ZNF446: variants seen among roughly 807,000 people sequenced by gnomAD.
The protein encoded by ZNF446 is zinc finger protein with KRAB and SCAN domains 20.
ZNF446 carries 42 observed loss-of-function variants against 34.0 expected under a neutral mutation model. That is an observed-to-expected ratio of 1.23 (90% CI 0.96 to 1.60). The LOEUF (loss-of-function observed/expected upper bound fraction) is 1.60. Among genes scored for constraint, ZNF446 ranks in the 40% most tolerant of loss-of-function variants. The pLI is 0.00. For synonymous variants in ZNF446, 315 were observed against 251.0 expected (o/e 1.25, Z -2.41); for missense variants, 650 against 600.2 (o/e 1.08, Z -0.87).
downstream of ZNF446, among the ~76,000 whole-genome samples, chr19:58,486,088 CTTTTTTTTTTTTTTTTT>C (rs71190045): frequency 1.4e-4 from 12 of 83,328 alleles, no homozygotes; most frequent in Non-Finnish European, 4.5e-5. Context: ...AGCTAACTTT[CTTTTTTTTTTTTTTTTT>C]TTTTTTGAGA....
the ZNF446 span, among the ~76,000 whole-genome samples, chr19:58,488,256 T>C: frequency 6.9e-6 from 1 of 144,950 alleles, no homozygotes. Flanking sequence ...TTCATGGCAC[T>C]GTGAGGACAG....
In ZNF446 at chr19:58,480,885, A is replaced by T. The variant is rs1230856472; in HGVS notation, c.*159A>T. The T allele has an allele frequency of 6.0e-6, 5 of 832,664 alleles. No homozygotes were observed. Among genetic ancestry groups the T allele is most frequent in the Non-Finnish European group, 9.1e-6 (5 of 550,486 alleles). The allele number at this position is 832,664 out of a possible 1,614,324, so 51.6% of individuals were successfully genotyped here. On this transcript the variant is annotated 3_prime_UTR_variant, in exon 7 of 7. Transcript: ENST00000594369. This position sits in a 1 kb window ranked among gnomAD's most constrained non-coding sequence, Gnocchi z 7.2. ...CCCCTGGTCTGGTCTCCCCCAAAAG[A>T]CCTGGGTGCAAGGAAAAGGAGCTGC...
At chr19:58,487,981 G>A in the ZNF446 span, among the ~76,000 whole-genome samples, 4 of 151,746 alleles carry the variant, frequency 2.6e-5, no homozygotes, top group Non-Finnish European at 2.9e-5. Flanking sequence ...AGCACTGTGA[G>A]GACAGGGCTT....
At position 58,479,714 on chromosome 19, in the gene ZNF446, A is replaced by G. The variant is rs759999414; in HGVS notation, c.699A>G (p.Thr233=). Residue 233 remains threonine (T), a synonymous_variant, in exon 5 of 7, where the codon ACA becomes ACG. Transcript: ENST00000594369. ...ATGCGATGCTGGAGAAGTACGGCAC[A>G]GTGGTCTCCCTGGGTGAGGACCAGC... ...YWDAMLEKYG[T]VVSLGLPPHQ... is the part of the protein sequence containing the mutation. 6 of 1,612,978 alleles carry G rather than the reference A, an allele frequency of 3.7e-6. No homozygotes were observed. The Admixed American group carries it at 5.0e-5, about 13-fold the overall frequency.
rs2053135129 is a variant in ZNF446 at position 58,480,884 on chromosome 19, G to T, written c.*158G>T. Reference sequence around the variant, plus strand: ...GCCCCTGGTCTGGTCTCCCCCAAAAGACCTGGGTGCAAGGAAAAGGAGCTG... The same window carrying T: ...GCCCCTGGTCTGGTCTCCCCCAAAATACCTGGGTGCAAGGAAAAGGAGCTG... On this transcript the variant is annotated 3_prime_UTR_variant, in exon 7 of 7. Transcript: ENST00000594369. This position sits in a 1 kb window ranked among gnomAD's most constrained non-coding sequence, Gnocchi z 7.2. 1.2e-6 allele frequency: 1 copy of T among 846,376 alleles called. No individual in the cohort carries two copies. The highest frequency in any genetic ancestry group is 1.8e-6 in the Non-Finnish European group (1 of 561,140). The allele number at this position is 846,376 out of a possible 1,614,324, so 52.4% of individuals were successfully genotyped here. A position where few individuals can be genotyped will look rare whatever the true frequency, so the allele number is the denominator to read the frequency against.
chr19:58,482,979 G>A (rs1002633764), downstream of ZNF446, among the ~76,000 whole-genome samples: 3 of 152,174 alleles, frequency 2.0e-5, no homozygotes, highest in African/African-American at 7.2e-5. Context: ...TGCTCACTTA[G>A]AAAAATTTGA....
At chr19:58,487,071 G>GC in the ZNF446 span, among the ~76,000 whole-genome samples, 2 of 152,188 alleles carry the variant, frequency 1.3e-5, no homozygotes, top group Admixed American at 1.3e-4. Flanking sequence ...GATTACAGGC[G>GC]TGAGCCACTG....
In ZNF446 at chr19:58,478,183, T is replaced by C. The variant is rs1600008900; in HGVS notation, c.627+2T>C. On this transcript the variant is annotated splice_donor_variant, in intron 4 of 6. Coordinates refer to ENST00000594369, the MANE Select transcript of ZNF446 (RefSeq NM_017908.4). LOFTEE classifies it high-confidence loss of function. ...TCCTTCCACCCACCCAGGATTCAGG[T>C]GAGCAGCCCCAAGTGGGAAGTATAG... The C allele has an allele frequency of 6.2e-7, 1 of 1,613,182 alleles. No individual in the cohort carries two copies. Among genetic ancestry groups the C allele is most frequent in the Non-Finnish European group, 8.5e-7 (1 of 1,179,522 alleles).
rs181407855 is a variant in ZNF446 at position 58,476,397 on chromosome 19, C to G, written c.-148C>G. The G allele has an allele frequency of 6.6e-6, 1 of 152,480 alleles. No homozygotes were observed. Among genetic ancestry groups the G allele is most frequent in the African/African-American group, 2.4e-5 (1 of 41,602 alleles). The allele number at this position is 152,480 out of a possible 1,614,324, so 9.4% of individuals were successfully genotyped here. On this transcript the variant is annotated 5_prime_UTR_variant, in exon 1 of 7. Transcript: ENST00000594369. ...TTCCGGGGGGCCGGGCCTGGCAAGT[C>G]CTCTTGGAACGCCTCCCTCTTGCCT... is the stretch of plus-strand genomic sequence containing the variant.
chr19:58,479,957 AG>A lies in ZNF446; in HGVS notation c.742del (p.Ala248ProfsTer118). ...TTACCGCCCCACCAGCCAGAGGCAC[AG>A]GCCCAGTCAGAGCTGGGGATGCTGC... Reference protein sequence around the residue: ...LGLPPHQPEAQAQSELGMLLT... With the variant: ...LGLPPHQPEAXAQSELGMLLT... On this transcript the variant is annotated frameshift_variant, in exon 6 of 7. Transcript: ENST00000594369. LOFTEE classifies it high-confidence loss of function. 1 of 1,587,388 alleles carries A rather than the reference AG, an allele frequency of 6.3e-7. No homozygotes were observed. The highest frequency in any genetic ancestry group is 1.1e-5 in the South Asian group (1 of 87,298).
chr19:58,480,615 CA>C lies in ZNF446; in HGVS notation c.1244del (p.Lys415ArgfsTer199). ...SWKSQLVIHR[K>X]SHTGQRRHFC... ...GGAAGTCGCAGCTGGTCATCCACCG[CA>C]AGAGCCACACAGGCCAGCGGCGTCA... On this transcript the variant is annotated frameshift_variant, in exon 7 of 7. Transcript: ENST00000594369. LOFTEE classifies it high-confidence loss of function. The surrounding 1 kb of genome is among the most constrained non-coding windows in gnomAD (Gnocchi z 7.2). 6.2e-7 allele frequency: 1 copy of C among 1,612,582 alleles called. No homozygotes were observed. The highest frequency in any genetic ancestry group is 8.5e-7 in the Non-Finnish European group (1 of 1,179,938).
downstream of ZNF446, among the ~76,000 whole-genome samples, chr19:58,482,084 G>T (rs897276279): frequency 6.6e-6 from 1 of 152,046 alleles, no homozygotes; most frequent in Admixed American, 6.6e-5. Context: ...GTGAGCCACC[G>T]CGCCCGGCCA....
In ZNF446 at chr19:58,479,936, C is replaced by A; in HGVS notation, c.719C>A (p.Pro240Gln). 6.3e-7 allele frequency: 1 copy of A among 1,576,630 alleles called. No homozygotes were observed. The highest frequency in any genetic ancestry group is 2.3e-5 in the East Asian group (1 of 43,198). Residue 240 changes from proline to glutamine, a missense_variant, in exon 6 of 7, where the codon CCG becomes CAG. Pro to Gln is a moderately conservative substitution (Grantham distance 76). Transcript: ENST00000594369. ...KYGTVVSLGLPPHQPEAQAQS... is the reference protein window; with the variant it reads ...KYGTVVSLGLQPHQPEAQAQS... ...GTGCCCCCCACCCGGGCAGGGTTAC[C>A]GCCCCACCAGCCAGAGGCACAGGCC...
chr19:58,485,881 A>G (rs1164448683), downstream of ZNF446, among the ~76,000 whole-genome samples: 1 of 151,756 alleles, frequency 6.6e-6, no homozygotes, highest in African/African-American at 2.4e-5. Context: ...ACCCAGCCTG[A>G]TATTTATTTT....
the ZNF446 span, among the ~76,000 whole-genome samples, chr19:58,487,910 T>C: frequency 1.3e-5 from 2 of 152,272 alleles, no homozygotes; most frequent in Non-Finnish European, 2.9e-5. Flanking sequence ...GAAACTAGGC[T>C]GATAGACCAG....
At chr19:58,478,927 C>T (rs2053113518) in intron 4 of ZNF446, among the ~76,000 whole-genome samples, 1 of 152,196 alleles carries the variant, frequency 6.6e-6, no homozygotes, top group Admixed American at 6.5e-5. Context: ...GAAGTCCCTT[C>T]TCTCCTAGGG....
Position 58,480,659 on chromosome 19 carries a change from G to T in ZNF446, c.1286G>T (p.Gly429Val), listed in dbSNP as rs765681305. The T allele has an allele frequency of 5.6e-6, 9 of 1,611,712 alleles. No homozygotes were observed. Residue 429 changes from glycine to valine, a missense_variant, in exon 7 of 7, where the codon GGC (glycine) becomes GTC (valine). Coordinates refer to ENST00000594369, the MANE Select transcript of ZNF446 (RefSeq NM_017908.4). This position sits in a 1 kb window ranked among gnomAD's most constrained non-coding sequence, Gnocchi z 7.2. ...CGGCGTCACTTCTGCAGTGACTGTG[G>T]CCGCGCCTTCGACTGGAAGTCGCAG... ...GQRRHFCSDC[G>V]RAFDWKSQLV... is the part of the protein sequence containing the mutation.
rs371850416 is a variant in ZNF446, at chr19:58,480,300, G to A, written c.927G>A (p.Pro309=). Residue 309 remains proline, a synonymous_variant, in exon 7 of 7, where the codon CCG becomes CCA. Transcript: ENST00000594369. This position sits in a 1 kb window ranked among gnomAD's most constrained non-coding sequence, Gnocchi z 7.2. ...CCCCCACTGTGCGCCCAGGGACACC[G>A]CCAGTGCCCACTCAGCCCACACCTG... ...TPAPTVRPGT[P]PVPTQPTPAE... The A allele has an allele frequency of 2.2e-5, 35 of 1,578,674 alleles. No individual in the cohort carries two copies. Among genetic ancestry groups the A allele is most frequent in the East Asian group, 7.0e-5 (3 of 43,122 alleles).
downstream of ZNF446, chr19:58,483,646 T>G (rs1340725551): frequency 2.0e-5 from 3 of 151,504 alleles, no homozygotes; most frequent in Non-Finnish European, 4.4e-5. Flanking sequence ...TGAGACCCTG[T>G]CTGGAAAAAA....
Sources: gnomAD v4.1 joint callset for allele counts (sites outside exome capture counted in the v4.1 genomes callset) on GRCh38, gnomAD v4.1.1 for gene constraint, Gnocchi (gnomAD v3.1) non-coding constraint, MANE v1.5 for transcripts, NCBI Gene and HGNC (gene_info 2026-07-23, HGNC 2026-07-21) for gene names.